MBNL2: variants seen among roughly 807,000 people sequenced by gnomAD.
The protein encoded by MBNL2 is muscleblind like splicing regulator 2.
Under a neutral mutation model 41.9 loss-of-function variants are expected in MBNL2, and 17 were observed. The ratio of observed to expected loss-of-function variants is 0.41; its 90% CI spans 0.28 to 0.61. The LOEUF (loss-of-function observed/expected upper bound fraction) is 0.61, where lower values mean the gene tolerates loss of function less well. Ranked by LOEUF, MBNL2 falls within the 20% of genes least tolerant of loss-of-function variation. MBNL2 has a pLI of 0.35. For missense variants in MBNL2, 336 were observed against 505.6 expected (o/e 0.66, Z 3.22); for synonymous variants, 195 against 182.9 (o/e 1.07, Z -0.53).
At chr13:97,305,652 T>G (rs1400025556) in intron 2 of MBNL2, among the ~76,000 whole-genome samples, 1 of 151,902 alleles carries the variant, frequency 6.6e-6, no homozygotes, top group Non-Finnish European at 1.5e-5. Context: ...GTAGTTCCAG[T>G]GACTCGGGAA....
the MBNL2 span, among the ~76,000 whole-genome samples, chr13:97,211,224 A>G: frequency 7.9e-5 from 12 of 152,276 alleles, no homozygotes; most frequent in Non-Finnish European, 1.0e-4. Context: ...CCTAGGATCC[A>G]TGATTGTAAG....
intron 1 of MBNL2, among the ~76,000 whole-genome samples, chr13:97,256,163 G>A (rs769827226): frequency 3.3e-4 from 50 of 152,148 alleles, no homozygotes; most frequent in Non-Finnish European, 6.6e-4. Context: ...TTAAACATCA[G>A]TTCAATTAAA....
chr13:97,276,254 C>G lies in MBNL2; in HGVS notation c.19C>G (p.Pro7Ala), dbSNP rs761760187. 6.2e-7 allele frequency: 1 copy of G among 1,613,550 alleles called. No homozygotes were observed. Among genetic ancestry groups the G allele is most frequent in the Non-Finnish European group, 8.5e-7 (1 of 1,179,678 alleles). The change falls in exon 2 of 9, where the codon CCA becomes GCA. Residue 7 changes from proline to alanine, a missense_variant. Transcript: ENST00000679496. ...TATCACCATGGCTTTGAACGTTGCC[C>G]CAGTCAGAGATACAAAATGGCTGAC... is the stretch of plus-strand genomic sequence containing the variant. MALNVA[P>A]VRDTKWLTLE...
At chr13:97,288,325 G>A (rs563124464) in intron 2 of MBNL2, among the ~76,000 whole-genome samples, 3 of 152,294 alleles carry the variant, frequency 2.0e-5, no homozygotes, top group Non-Finnish European at 4.4e-5. Context: ...TCATAAGAAA[G>A]TCACTGTGAA....
chr13:97,376,657 A>G (rs1472433242), intron 8 of MBNL2, among the ~76,000 whole-genome samples: 1 of 152,188 alleles, frequency 6.6e-6, no homozygotes, highest in Non-Finnish European at 1.5e-5. Flanking sequence ...TGGAAGCAGC[A>G]TCTTTAAGGC....
At chr13:97,282,060 A>AC (rs1223000308) in intron 2 of MBNL2, among the ~76,000 whole-genome samples, 1 of 152,018 alleles carries the variant, frequency 6.6e-6, no homozygotes, top group Non-Finnish European at 1.5e-5. Flanking sequence ...CAAAAAAAAA[A>AC]AACATTCTAG....
At chr13:97,347,093 G>A (rs779531914) in intron 5 of MBNL2, 26 bp downstream of exon 5, 15 of 1,495,454 alleles carry the variant, frequency 1.0e-5, no homozygotes, top group Admixed American at 9.3e-5. Flanking sequence ...CGCCGCCCCT[G>A]CACCCCGGCG....
chr13:97,362,087 C>A (rs2063460557), intron 7 of MBNL2, among the ~76,000 whole-genome samples: 1 of 151,906 alleles, frequency 6.6e-6, no homozygotes, highest in Non-Finnish European at 1.5e-5. Context: ...TTTATGAGTA[C>A]AAGTTGAGTG....
intron 2 of MBNL2, among the ~76,000 whole-genome samples, chr13:97,294,601 C>G (rs1280979049): frequency 6.6e-6 from 1 of 152,218 alleles, no homozygotes; most frequent in Non-Finnish European, 1.5e-5. Flanking sequence ...GTCAGTAGGT[C>G]TGGGTATGGA....
At chr13:97,160,683 A>G in the MBNL2 span, among the ~76,000 whole-genome samples, 1 of 152,176 alleles carries the variant, frequency 6.6e-6, no homozygotes, top group Admixed American at 6.6e-5. Context: ...ATTTATTGGC[A>G]TTGGCTTTTC....
chr13:97,354,075 C>T (rs1271672607), intron 5 of MBNL2, among the ~76,000 whole-genome samples: 10 of 149,334 alleles, frequency 6.7e-5, no homozygotes, highest in Admixed American at 6.7e-4. Context: ...GCCCATAGGA[C>T]CTCTTCTGAC....
the MBNL2 span, among the ~76,000 whole-genome samples, chr13:97,169,044 C>T: frequency 6.6e-6 from 1 of 152,092 alleles, no homozygotes; most frequent in Admixed American, 6.6e-5. Flanking sequence ...TCGTCTACTC[C>T]CCCCTTTGTC....
Position 97,334,148 on chromosome 13 carries a change from C to CCACACCCACACACACACACA in MBNL2, c.175-123_175-122insCCACACACACACACACACAC. The CCACACCCACACACACACACA allele has an allele frequency of 1.8e-6, 1 of 546,456 alleles. No homozygotes were observed. The allele number at this position is 546,456 out of a possible 1,614,324, so 33.9% of individuals were successfully genotyped here. ...AACACATGAGCATGCGCGCGCACAC[C>CCACACCCACACACACACACA]CACACACACACACACACACACACAC... On this transcript the variant is annotated intron_variant, in intron 2 of 8. Transcript: ENST00000679496. This position sits in a 1 kb window ranked among gnomAD's most constrained non-coding sequence, Gnocchi z 5.3.
intron 1 of MBNL2, among the ~76,000 whole-genome samples, chr13:97,226,935 G>A (rs2152770269): frequency 6.6e-6 from 1 of 152,082 alleles, no homozygotes; most frequent in East Asian, 1.9e-4. Context: ...AGGGTGTGGG[G>A]GAAGCCCCAT....
At chr13:97,298,208 T>A (rs1462700814) in intron 2 of MBNL2, among the ~76,000 whole-genome samples, 1 of 151,482 alleles carries the variant, frequency 6.6e-6, no homozygotes, top group Non-Finnish European at 1.5e-5. Context: ...TAAAAATAAA[T>A]AAATAAAAAA....
Position 97,365,121 on chromosome 13 carries a change from A to T in MBNL2, c.1013-15A>T. ...CCTTTATTCACTTTTTCCACCCACC[A>T]TTGCATGACATCAGGGTCAGTTTTG... On this transcript the variant is annotated splice_polypyrimidine_tract_variant and intron_variant, in intron 7 of 8. Transcript: ENST00000679496. 6.3e-7 allele frequency: 1 copy of T among 1,582,082 alleles called. No homozygotes were observed. The highest frequency in any genetic ancestry group is 1.3e-5 in the African/African-American group (1 of 74,384).
intron 1 of MBNL2, among the ~76,000 whole-genome samples, chr13:97,259,367 G>A (rs953421728): frequency 2.0e-5 from 3 of 152,172 alleles, no homozygotes; most frequent in African/African-American, 7.2e-5. Flanking sequence ...CGGGGCATAA[G>A]CATTCCAAAT....
At chr13:97,330,235 G>A (rs1478781871) in intron 2 of MBNL2, among the ~76,000 whole-genome samples, 1 of 152,196 alleles carries the variant, frequency 6.6e-6, no homozygotes, top group Non-Finnish European at 1.5e-5. Context: ...GTCCCACGTG[G>A]GATGAGCAAA....
chr13:97,336,406 G>A (rs1471383963), intron 3 of MBNL2, among the ~76,000 whole-genome samples: 1 of 152,100 alleles, frequency 6.6e-6, no homozygotes, highest in Admixed American at 6.5e-5. Context: ...CACCTTATAA[G>A]GAATCAGGGG....
Sources: allele counts gnomAD v4.1 joint callset (sites outside exome capture counted in the v4.1 genomes callset), GRCh38; gene constraint gnomAD v4.1.1; non-coding constraint Gnocchi (gnomAD v3.1); transcripts MANE v1.5; gene names NCBI Gene and HGNC (gene_info 2026-07-23, HGNC 2026-07-21).